UST: variants seen among roughly 807,000 people sequenced by gnomAD.
The protein encoded by UST is chondroitin sulfate 2-O-sulfotransferase.
A neutral mutation model predicts 45.6 loss-of-function variants in UST; 21 were observed. The ratio of observed to expected loss-of-function variants is 0.46; its 90% confidence interval spans 0.33 to 0.66. UST has a LOEUF of 0.66. UST is among the 30% of genes least tolerant of loss of function. The pLI is 0.02. For synonymous variants in UST, 215 were observed against 200.6 expected (o/e 1.07, Z -0.61); for missense variants, 463 against 512.4 (o/e 0.90, Z 0.93).
chr6:148,906,972 G>T (rs1779375594), intron 2 of UST, among the ~76,000 whole-genome samples: 1 of 152,186 alleles, frequency 6.6e-6, no homozygotes, highest in Admixed American at 6.5e-5. Flanking sequence ...GCCTTCAAAA[G>T]TGTGTGTTCT....
chr6:149,064,700 C>T (rs1776707911), intron 7 of UST, among the ~76,000 whole-genome samples: 3 of 152,138 alleles, frequency 2.0e-5, no homozygotes, highest in Admixed American at 2.0e-4. Flanking sequence ...ACTCGACTTT[C>T]TATAACAGCC....
At chr6:148,844,218 T>C (rs1777940710) in intron 1 of UST, among the ~76,000 whole-genome samples, 1 of 152,170 alleles carries the variant, frequency 6.6e-6, no homozygotes, top group Non-Finnish European at 1.5e-5. Flanking sequence ...TGCTAGACAT[T>C]AAACTAAATA....
At chr6:149,040,417 G>A (rs1776294568) in intron 7 of UST, among the ~76,000 whole-genome samples, 1 of 152,106 alleles carries the variant, frequency 6.6e-6, no homozygotes, top group Non-Finnish European at 1.5e-5. Flanking sequence ...CAACAGTTTG[G>A]GAGGCCGGGC....
intron 2 of UST, among the ~76,000 whole-genome samples, chr6:148,917,617 C>T (rs552559425): frequency 1.8e-4 from 27 of 152,160 alleles, no homozygotes; most frequent in Non-Finnish European, 3.2e-4. Context: ...AGGCCAAATA[C>T]GTATTACGAC....
intron 1 of UST, among the ~76,000 whole-genome samples, chr6:148,803,024 TATC>T (rs1276119024): frequency 6.6e-6 from 1 of 152,198 alleles, no homozygotes; most frequent in African/African-American, 2.4e-5. Flanking sequence ...TTTTTATTAT[TATC>T]ATCATTTTTA....
At chr6:149,001,378 G>A (rs760891894) in intron 5 of UST, among the ~76,000 whole-genome samples, 14 of 152,208 alleles carry the variant, frequency 9.2e-5, no homozygotes, top group Middle Eastern at 3.2e-3. Flanking sequence ...GCCTGGAGAT[G>A]TGATCCTTCA....
intron 2 of UST, among the ~76,000 whole-genome samples, chr6:148,899,245 A>G (rs1461146927): frequency 3.4e-5 from 5 of 147,770 alleles, no homozygotes; most frequent in Middle Eastern, 3.5e-3. Context: ...GACTACAGGC[A>G]CCCGCCACTA....
intron 7 of UST, among the ~76,000 whole-genome samples, chr6:149,054,171 AG>A (rs1562340983): frequency 6.6e-6 from 1 of 152,160 alleles, no homozygotes; most frequent in Non-Finnish European, 1.5e-5. Context: ...TCAGAAAGGG[AG>A]GGGGGTGCGG....
At chr6:149,023,632 A>T (rs1325531613) in intron 7 of UST, among the ~76,000 whole-genome samples, 1 of 152,190 alleles carries the variant, frequency 6.6e-6, no homozygotes, top group Non-Finnish European at 1.5e-5. Context: ...GTCCTCTTCC[A>T]GTTACATCAC....
At chr6:149,062,024 T>C (rs754115501) in intron 7 of UST, among the ~76,000 whole-genome samples, 4 of 152,268 alleles carry the variant, frequency 2.6e-5, no homozygotes, top group Non-Finnish European at 5.9e-5. Context: ...CTTCAGTTAA[T>C]GGCTGGGGTA....
intron 3 of UST, among the ~76,000 whole-genome samples, chr6:148,946,751 T>C (rs1780246685): frequency 7.6e-6 from 1 of 131,238 alleles, no homozygotes; most frequent in African/African-American, 3.0e-5. Context: ...GAGGTGGAGC[T>C]TGCAGTGAGC....
chr6:148,845,399 C>T (rs1582847881), intron 1 of UST, among the ~76,000 whole-genome samples: 1 of 152,082 alleles, frequency 6.6e-6, no homozygotes, highest in East Asian at 1.9e-4. Flanking sequence ...GAGGTTCATC[C>T]GTGTTGTGAT....
chr6:148,856,112 G>A (rs1778199429), intron 1 of UST, among the ~76,000 whole-genome samples: 2 of 152,252 alleles, frequency 1.3e-5, no homozygotes, highest in Admixed American at 1.3e-4. Context: ...CACCTCCTGG[G>A]TTCAAGCGAT....
rs185659348 is a variant in UST at position 148,790,845 on chromosome 6, T to A, written c.247+43168T>A. 1.5e-3 allele frequency among the ~76,000 whole-genome samples: 236 copies of A among 152,340 alleles called. 2 individuals carry two copies. Among genetic ancestry groups the A allele is most frequent in the African/African-American group, 5.5e-3 (229 of 41,584 alleles). Reference sequence around the variant, plus strand: ...AGAGCTCCTGTGGGACAGGCTGAGCTCCGTTGCAGCTGCATCGCAGTTTGC... The same window carrying A: ...AGAGCTCCTGTGGGACAGGCTGAGCACCGTTGCAGCTGCATCGCAGTTTGC... On this transcript the variant is annotated intron_variant, in intron 1 of 7. Coordinates refer to ENST00000367463, the MANE Select transcript of UST (RefSeq NM_005715.3). The surrounding 1 kb of genome is among the most constrained non-coding windows in gnomAD (Gnocchi z 4.2).
intron 1 of UST, among the ~76,000 whole-genome samples, chr6:148,793,192 G>A (rs1776884026): frequency 6.6e-6 from 1 of 152,024 alleles, no homozygotes; most frequent in Admixed American, 6.6e-5. Context: ...AGTTATCTCT[G>A]GGTGAAGAGA....
At chr6:148,827,848 T>C (rs1777604052) in intron 1 of UST, among the ~76,000 whole-genome samples, 1 of 152,070 alleles carries the variant, frequency 6.6e-6, no homozygotes, top group South Asian at 2.1e-4. Context: ...CTAAAACAGA[T>C]GGTAGAGAAT....
intron 5 of UST, among the ~76,000 whole-genome samples, chr6:148,987,989 C>T (rs1467286729): frequency 6.6e-6 from 1 of 152,068 alleles, no homozygotes; most frequent in Non-Finnish European, 1.5e-5. Flanking sequence ...GCACACACAG[C>T]TAGGGTTCTA....
intron 7 of UST, among the ~76,000 whole-genome samples, chr6:149,043,263 G>T (rs1260836746): frequency 6.6e-6 from 1 of 150,870 alleles, no homozygotes; most frequent in Non-Finnish European, 1.5e-5. Context: ...GGTTTGTGCC[G>T]CCATACCCAC....
intron 1 of UST, among the ~76,000 whole-genome samples, chr6:148,793,119 G>A (rs1776882021): frequency 6.6e-6 from 1 of 152,108 alleles, no homozygotes; most frequent in Admixed American, 6.6e-5. Flanking sequence ...TTAATATTAA[G>A]AGAAACAAGA....
Sources: gnomAD v4.1 joint callset for allele counts (sites outside exome capture counted in the v4.1 genomes callset) on GRCh38, gnomAD v4.1.1 for gene constraint, Gnocchi (gnomAD v3.1) non-coding constraint, MANE v1.5 for transcripts, NCBI Gene and HGNC (gene_info 2026-07-23, HGNC 2026-07-21) for gene names.